Variants in PPEF1 observed in about 807,000 individuals in gnomAD.
PPEF1 encodes serine/threonine-protein phosphatase with EF-hands 1.
Under a neutral mutation model 53.3 loss-of-function variants are expected in PPEF1, and 12 were observed. The ratio of observed to expected loss-of-function variants is 0.23; its 90% CI spans 0.14 to 0.36. The LOEUF (loss-of-function observed/expected upper bound fraction) is 0.36. Ranked by LOEUF, PPEF1 falls within the 10% of genes least tolerant of loss-of-function variation. The probability of loss-of-function intolerance (pLI) is 1.00; values close to 1 mark genes in which losing one functional copy is unlikely to be tolerated. For missense variants in PPEF1, 334 were observed against 490.4 expected (o/e 0.68, Z 3.01); for synonymous variants, 165 against 176.7 (o/e 0.93, Z 0.52).
intron 1 of PPEF1, among the ~76,000 whole-genome samples, chrX:18,709,509 G>GTT (rs57543315): frequency 3.9e-5 from 4 of 101,858 alleles, no homozygotes; most frequent in East Asian, 6.2e-4. Flanking sequence ...TTTGTTTTTT[G>GTT]TTTTTTTTGA....
At chrX:18,806,618 A>G in intron 12 of PPEF1, 73 bp downstream of exon 12, 1 of 967,307 alleles carries the variant, frequency 1.0e-6, no homozygotes, top group Non-Finnish European at 1.4e-6. Context: ...CGTGACTAAG[A>G]GCAGCCACGT....
intron 3 of PPEF1, among the ~76,000 whole-genome samples, chrX:18,739,674 A>T (rs181169089): frequency 1.8e-5 from 2 of 111,989 alleles, no homozygotes; most frequent in African/African-American, 6.5e-5. Context: ...TCAGACAGGG[A>T]TGTTTAAGTC....
intron 3 of PPEF1, among the ~76,000 whole-genome samples, chrX:18,735,983 C>A: frequency 8.9e-6 from 1 of 111,815 alleles, no homozygotes; most frequent in Non-Finnish European, 1.9e-5. Context: ...GATTTTGTAT[C>A]CTGAGATTTT....
At chrX:18,700,401 G>A (rs1168796019) in exon 6 of PPEF1, 1 of 106,348 alleles carries the variant, frequency 9.4e-6, no homozygotes, top group Non-Finnish European at 1.9e-5. Context: ...CTGGGGTGAG[G>A]AAAAACCTCT....
At chrX:18,727,887 G>C (rs757094878) in intron 1 of PPEF1, among the ~76,000 whole-genome samples, 1 of 111,980 alleles carries the variant, frequency 8.9e-6, no homozygotes, top group African/African-American at 3.2e-5. Context: ...GGCGAGGCAA[G>C]GGGGAAGGGG....
chrX:18,812,524 A>C (rs1329194252), intron 12 of PPEF1, among the ~76,000 whole-genome samples: 1 of 111,864 alleles, frequency 8.9e-6, no homozygotes, highest in Non-Finnish European at 1.9e-5. Flanking sequence ...CAAAAATACC[A>C]GCTGAGAATT....
intron 2 of PPEF1, among the ~76,000 whole-genome samples, chrX:18,685,596 G>A (rs1378328273): frequency 9.3e-6 from 1 of 107,324 alleles, no homozygotes; most frequent in Non-Finnish European, 1.9e-5. Flanking sequence ...GAGGCAGGAG[G>A]ATGGCGTGAA....
rs777640151 is a variant in PPEF1, at chrX:18,735,967, C to T, written c.235+2159C>T. Reference sequence around the variant, plus strand: ...TGTATGGGAATACTTGTGATTTTTGCACATTGATTTTGTATCCTGAGATTT... The same window carrying T: ...TGTATGGGAATACTTGTGATTTTTGTACATTGATTTTGTATCCTGAGATTT... On this transcript the variant is annotated intron_variant, in intron 3 of 15. Coordinates refer to ENST00000470157, the MANE Select transcript of PPEF1 (RefSeq NM_001377996.1). 6.3e-5 allele frequency among the ~76,000 whole-genome samples: 7 copies of T among 111,885 alleles called. No individual in the cohort carries two copies. The East Asian group carries it at 8.4e-4, about 13-fold the overall frequency.
intron 1 of PPEF1, among the ~76,000 whole-genome samples, chrX:18,716,578 C>A (rs1372593764): frequency 9.3e-6 from 1 of 107,869 alleles, no homozygotes; most frequent in Non-Finnish European, 1.9e-5. Context: ...CCATTCACAG[C>A]TGCTTGAGAG....
At chrX:18,799,728 C>T (rs979475629) in intron 10 of PPEF1, among the ~76,000 whole-genome samples, 1 of 111,245 alleles carries the variant, frequency 9.0e-6, no homozygotes, top group Middle Eastern at 4.6e-3. Flanking sequence ...AAAACGTTCC[C>T]ATTTTTTTTG....
At chrX:18,810,060 A>G (rs913862876) in intron 12 of PPEF1, among the ~76,000 whole-genome samples, 24 of 93,554 alleles carry the variant, frequency 2.6e-4, no homozygotes, top group African/African-American at 9.6e-4. Flanking sequence ...ATGTCAATAA[A>G]GCTGGAAAAA....
intron 1 of PPEF1, among the ~76,000 whole-genome samples, chrX:18,712,004 G>A (rs1465150003): frequency 5.4e-5 from 6 of 111,523 alleles, no homozygotes; most frequent in Admixed American, 4.8e-4. Context: ...CGCCCGCCTT[G>A]GCCTCCCAAA....
intron 7 of PPEF1, 136 bp from the exon 8 acceptor site, chrX:18,782,230 G>C: frequency 3.8e-6 from 2 of 521,324 alleles, no homozygotes; most frequent in Non-Finnish European, 6.5e-6. Flanking sequence ...ACTCAGGTAA[G>C]TAACACTTCC....
intron 13 of PPEF1, among the ~76,000 whole-genome samples, chrX:18,818,548 T>G (rs2046966647): frequency 9.1e-6 from 1 of 110,335 alleles, no homozygotes; most frequent in South Asian, 3.9e-4. Context: ...TTTTTGTATT[T>G]TTAGTAGAGA....
chrX:18,741,678 A>G (rs990961196), intron 3 of PPEF1, among the ~76,000 whole-genome samples: 5 of 106,569 alleles, frequency 4.7e-5, no homozygotes, highest in Non-Finnish European at 9.6e-5. Context: ...TCACATAACT[A>G]CTTTCTTGAC....
chrX:18,777,714 C>T (rs1305235197), intron 6 of PPEF1, among the ~76,000 whole-genome samples: 1 of 105,811 alleles, frequency 9.5e-6, no homozygotes, highest in Non-Finnish European at 1.9e-5. Flanking sequence ...TTAGTGGAGA[C>T]GGGGTTTCAC....
At chrX:18,825,649 T>A (rs1294742434) in intron 14 of PPEF1, 102 bp from the exon 15 acceptor site, 1 of 486,341 alleles carries the variant, frequency 2.1e-6, no homozygotes, top group Non-Finnish European at 3.2e-6. Flanking sequence ...CTAAATCACA[T>A]CATTTCAATT....
chrX:18,685,684 CAA>C (rs1212907646), intron 2 of PPEF1, among the ~76,000 whole-genome samples: 8 of 28,738 alleles, frequency 2.8e-4, no homozygotes, highest in Non-Finnish European at 2.0e-4. Flanking sequence ...GACTCCATCT[CAA>C]AAAAAAAAAA....
At chrX:18,741,862 G>T (rs1368924325) in intron 3 of PPEF1, among the ~76,000 whole-genome samples, 2 of 103,922 alleles carry the variant, frequency 1.9e-5, no homozygotes, top group Non-Finnish European at 3.9e-5. Flanking sequence ...GAATTGCAGT[G>T]GCGCAATCTC....
Sources: allele counts gnomAD v4.1 joint callset (sites outside exome capture counted in the v4.1 genomes callset), GRCh38; gene constraint gnomAD v4.1.1; transcripts MANE v1.5; gene names NCBI Gene and HGNC (gene_info 2026-07-23, HGNC 2026-07-21).